The following CPNE8 variants were observed in gnomAD, a reference collection of about 807,000 sequenced individuals.
CPNE8 encodes copine-8.
CPNE8 carries 45 observed loss-of-function variants against 81.5 expected under a neutral mutation model. That is an observed-to-expected ratio of 0.55 (90% CI 0.44 to 0.71). The LOEUF (loss-of-function observed/expected upper bound fraction) is 0.71, where lower values mean the gene tolerates loss of function less well. Ranked by LOEUF, CPNE8 falls within the 30% of genes least tolerant of loss-of-function variation. CPNE8 has a pLI of 0.00. For missense variants in CPNE8, 594 were observed against 672.1 expected (o/e 0.88, Z 1.28); for synonymous variants, 252 against 226.3 (o/e 1.11, Z -1.02).
At position 38,877,131 on chromosome 12, in the gene CPNE8, G is replaced by C. The variant is rs180980263; in HGVS notation, c.99-2620C>G. 1.4e-3 allele frequency among the ~76,000 whole-genome samples: 216 copies of C among 152,186 alleles called. 1 individual carries two copies. The highest frequency in any genetic ancestry group is 4.9e-3 in the African/African-American group (204 of 41,522). On this transcript the variant is annotated intron_variant, in intron 1 of 19. Coordinates refer to ENST00000331366, the MANE Select transcript of CPNE8 (RefSeq NM_153634.3). ...TCTTTACAAAATACCTCAGTTTCTG[G>C]AGAAATCCAGAAGACTTCTTATTTT...
Position 38,905,581 on chromosome 12 carries a change from T to A in CPNE8, c.-47A>T. ...CTTGTCCGGCGCCCACAACCACAGCTCGGGCGGACTGAGGGCTAGCTCCCG... is the reference window on the plus strand; with the variant it reads ...CTTGTCCGGCGCCCACAACCACAGCACGGGCGGACTGAGGGCTAGCTCCCG... On this transcript the variant is annotated 5_prime_UTR_variant, in exon 1 of 20. Transcript: ENST00000331366. The A allele has an allele frequency of 6.5e-7, 1 of 1,541,100 alleles. No individual in the cohort carries two copies. Among genetic ancestry groups the A allele is most frequent in the East Asian group, 2.4e-5 (1 of 41,076 alleles).
chr12:38,902,291 GAAGGA>G (rs1944479021), intron 1 of CPNE8, among the ~76,000 whole-genome samples: 1 of 130,538 alleles, frequency 7.7e-6, no homozygotes, highest in Non-Finnish European at 1.6e-5. Flanking sequence ...AAGAAGGAAG[GAAGGA>G]AAGGAAGGAA....
At chr12:38,809,407 A>G (rs1419103999) in intron 6 of CPNE8, among the ~76,000 whole-genome samples, 3 of 152,198 alleles carry the variant, frequency 2.0e-5, no homozygotes, top group African/African-American at 7.2e-5. Context: ...TTCTGCCTTT[A>G]AAGGGTCACA....
At chr12:38,742,423 G>A (rs184369255) in intron 10 of CPNE8, among the ~76,000 whole-genome samples, 22 of 151,362 alleles carry the variant, frequency 1.5e-4, no homozygotes, top group East Asian at 3.9e-4. Context: ...GCAAACTATC[G>A]TAAGGACAAA....
At position 38,767,765 on chromosome 12, in the gene CPNE8, C is replaced by T. The variant is rs527454659; in HGVS notation, c.472-27G>A. 51 of 1,401,190 alleles carry T rather than the reference C, an allele frequency of 3.6e-5. No homozygotes were observed. In the Middle Eastern group the frequency reaches 7.2e-4, roughly 20 times the overall value. The allele number at this position is 1,401,190 out of a possible 1,614,324, so 86.8% of individuals were successfully genotyped here. ...TAAAAACAAAATTAATAAAACAGTT[C>T]AAGATTTGGGCTATAAATAACTAGA... is the stretch of plus-strand genomic sequence containing the variant. On this transcript the variant is annotated intron_variant, in intron 7 of 19. Coordinates refer to ENST00000331366, the MANE Select transcript of CPNE8 (RefSeq NM_153634.3).
chr12:38,848,578 CTCTT>C lies in CPNE8; in HGVS notation c.267_270del (p.Glu91IlefsTer44). Reference sequence around the variant, plus strand: ...ACTTACAAGTCAAAACGAAGATTCTCTCTTTCTTCAAAAAAGTAGTCCAGAATAA... The same window carrying C: ...ACTTACAAGTCAAAACGAAGATTCTCTCTTCAAAAAAGTAGTCCAGAATAA... On this transcript the variant is annotated frameshift_variant, in exon 4 of 20. Transcript: ENST00000331366. LOFTEE classifies it high-confidence loss of function. 1 of 1,580,828 alleles carries C rather than the reference CTCTT, an allele frequency of 6.3e-7. No individual in the cohort carries two copies. The highest frequency in any genetic ancestry group is 8.5e-7 in the Non-Finnish European group (1 of 1,170,532).
intron 10 of CPNE8, among the ~76,000 whole-genome samples, chr12:38,755,218 C>T (rs1941431887): frequency 6.6e-6 from 1 of 152,138 alleles, no homozygotes. Flanking sequence ...GAAATGACTA[C>T]ATTTGATAAA....
At chr12:38,831,757 G>T (rs566387620) in intron 5 of CPNE8, among the ~76,000 whole-genome samples, 1 of 152,256 alleles carries the variant, frequency 6.6e-6, no homozygotes, top group Non-Finnish European at 1.5e-5. Flanking sequence ...TCTCATGACA[G>T]CTAGAAAGAA....
rs1235981054 is a variant in CPNE8, at chr12:38,905,478, A to G, written c.57T>C (p.Ala19=). 6.3e-7 allele frequency: 1 copy of G among 1,576,428 alleles called. No individual in the cohort carries two copies. Among genetic ancestry groups the G allele is most frequent in the Middle Eastern group, 1.7e-4 (1 of 6,010 alleles). ...AGIGDLNQLS[A]AIPATRVEVS... ...CCTCCACCCGCGTGGCCGGGATGGCAGCGCTCAGCTGGTTCAAGTCCCCGA... is the reference window on the plus strand; with the variant it reads ...CCTCCACCCGCGTGGCCGGGATGGCGGCGCTCAGCTGGTTCAAGTCCCCGA... Residue 19 remains alanine (A), a synonymous_variant, in exon 1 of 20, where the codon GCT becomes GCC. Coordinates refer to ENST00000331366, the MANE Select transcript of CPNE8 (RefSeq NM_153634.3).
chr12:38,758,374 A>C (rs1941506616), intron 10 of CPNE8, among the ~76,000 whole-genome samples: 2 of 152,108 alleles, frequency 1.3e-5, no homozygotes, highest in Admixed American at 6.5e-5. Context: ...ATAATAAAAA[A>C]ATTATGTTAG....
At chr12:38,906,162 G>C (rs1408979243), upstream of CPNE8, 1 of 985,632 alleles carries the variant, frequency 1.0e-6, no homozygotes, top group Admixed American at 6.1e-5. Context: ...GAGCTCTTGG[G>C]AGATCCCTCC....
At position 38,852,850 on chromosome 12, in the gene CPNE8, CAT is replaced by C. The variant is rs375998249; in HGVS notation, c.187-4190_187-4189del. Among the ~76,000 whole-genome samples the C allele has an allele frequency of 1.6e-3, 240 of 149,752 alleles. 1 individual carries two copies. The highest frequency in any genetic ancestry group is 5.2e-3 in the African/African-American group (211 of 40,918). On this transcript the variant is annotated intron_variant, in intron 3 of 19. Coordinates refer to ENST00000331366, the MANE Select transcript of CPNE8 (RefSeq NM_153634.3). The stretch of plus-strand genomic sequence containing the variant: ...TGATTAAAACATAAGCATATATATG[CAT>C]ATATATATATATGGAAAAAAATAGA...
At chr12:38,720,087 G>A (rs904262709) in intron 13 of CPNE8, among the ~76,000 whole-genome samples, 1 of 152,076 alleles carries the variant, frequency 6.6e-6, no homozygotes, top group African/African-American at 2.4e-5. Flanking sequence ...CCCAGAACTG[G>A]GTTCTTATAA....
chr12:38,841,639 T>G lies in CPNE8; in HGVS notation c.291-1684A>C, dbSNP rs1044755124. Among the ~76,000 whole-genome samples, 3 of 152,114 alleles carry G rather than the reference T, an allele frequency of 2.0e-5. No individual in the cohort carries two copies. In the East Asian group the frequency reaches 5.8e-4, roughly 29 times the overall value. On this transcript the variant is annotated intron_variant, in intron 4 of 19. Transcript: ENST00000331366. Reference sequence around the variant, plus strand: ...ATCCTTATCTGTGAGAGCTTTATTTTGAAGTATTGGTAGGTGAAATGATTT... The same window carrying G: ...ATCCTTATCTGTGAGAGCTTTATTTGGAAGTATTGGTAGGTGAAATGATTT...
intron 10 of CPNE8, among the ~76,000 whole-genome samples, chr12:38,746,540 CAA>C (rs1408609434): frequency 6.6e-6 from 1 of 152,168 alleles, no homozygotes; most frequent in Non-Finnish European, 1.5e-5. Context: ...CATTTTGACA[CAA>C]GTGAAAGTTT....
chr12:38,658,797 C>T (rs1005727572), intron 19 of CPNE8, among the ~76,000 whole-genome samples: 3 of 152,100 alleles, frequency 2.0e-5, no homozygotes, highest in African/African-American at 4.8e-5. Context: ...TCCAGCCAAA[C>T]TAAGCTTCAT....
At chr12:38,779,145 T>G (rs2136898892) in intron 6 of CPNE8, among the ~76,000 whole-genome samples, 1 of 152,296 alleles carries the variant, frequency 6.6e-6, no homozygotes, top group Non-Finnish European at 1.5e-5. Flanking sequence ...AGCATCAACC[T>G]GAACACACTT....
chr12:38,780,086 G>T (rs1350275773), intron 6 of CPNE8, among the ~76,000 whole-genome samples: 2 of 151,984 alleles, frequency 1.3e-5, no homozygotes, highest in East Asian at 3.9e-4. Context: ...GCTGATTTCT[G>T]TGTATGGTGT....
intron 6 of CPNE8, among the ~76,000 whole-genome samples, chr12:38,781,967 C>A (rs1189334077): frequency 6.6e-6 from 1 of 152,040 alleles, no homozygotes; most frequent in Non-Finnish European, 1.5e-5. Context: ...AGAAAGTGTA[C>A]ATCCTGAAAT....
Sources: allele counts gnomAD v4.1 joint callset (sites outside exome capture counted in the v4.1 genomes callset), GRCh38; gene constraint gnomAD v4.1.1; transcripts MANE v1.5; gene names NCBI Gene and HGNC (gene_info 2026-07-23, HGNC 2026-07-21).